The following GALNT13 variants were observed in gnomAD, a reference collection of about 807,000 sequenced individuals.
The protein encoded by GALNT13 is UDP-GalNAc:polypeptide N-acetylgalactosaminyltransferase 13.
In GALNT13, 28 loss-of-function variants were observed where a neutral mutation model predicts 64.2. That is an observed-to-expected ratio of 0.44 (90% confidence interval 0.32 to 0.60). The LOEUF is 0.60. Among genes scored for constraint, GALNT13 ranks in the 20% least tolerant of loss-of-function variants. The pLI is 0.05. For synonymous variants in GALNT13, 214 were observed against 224.6 expected (o/e 0.95, Z 0.42); for missense variants, 577 against 669.8 (o/e 0.86, Z 1.53).
the GALNT13 span, among the ~76,000 whole-genome samples, chr2:153,284,585 C>T: frequency 2.6e-5 from 4 of 152,242 alleles, no homozygotes; most frequent in African/African-American, 9.6e-5. Context: ...AAGTTAACTT[C>T]AGGACTTGGG....
chr2:153,827,420 G>A, the GALNT13 span, among the ~76,000 whole-genome samples: 3 of 152,060 alleles, frequency 2.0e-5, no homozygotes, highest in Non-Finnish European at 2.9e-5. Flanking sequence ...TCAGGAGATC[G>A]AGACCATCCT....
chr2:153,844,584 T>C, the GALNT13 span, among the ~76,000 whole-genome samples: 9 of 152,238 alleles, frequency 5.9e-5, no homozygotes, highest in Admixed American at 5.2e-4. Flanking sequence ...TCCTTTGTAG[T>C]TGTACAAATT....
At chr2:153,119,236 A>C in the GALNT13 span, among the ~76,000 whole-genome samples, 3 of 152,080 alleles carry the variant, frequency 2.0e-5, no homozygotes, top group Non-Finnish European at 1.5e-5. Context: ...CTAATACATA[A>C]GTGCACAGCT....
the GALNT13 span, among the ~76,000 whole-genome samples, chr2:153,671,389 C>T: frequency 1.3e-5 from 2 of 152,020 alleles, no homozygotes; most frequent in Non-Finnish European, 2.9e-5. Flanking sequence ...AGAGTGGGGG[C>T]CAATATTCAA....
intron 3 of GALNT13, among the ~76,000 whole-genome samples, chr2:154,057,358 A>G (rs975751935): frequency 3.3e-5 from 5 of 152,166 alleles, no homozygotes; most frequent in African/African-American, 1.2e-4. Context: ...ACAATTTTAG[A>G]TTGGCAATAT....
At chr2:153,552,413 G>T in the GALNT13 span, among the ~76,000 whole-genome samples, 2 of 152,080 alleles carry the variant, frequency 1.3e-5, no homozygotes, top group African/African-American at 2.4e-5. Flanking sequence ...CTTGAGCAGG[G>T]GAGGAGAGAT....
the GALNT13 span, among the ~76,000 whole-genome samples, chr2:153,131,790 T>G: frequency 6.6e-6 from 1 of 151,980 alleles, no homozygotes; most frequent in African/African-American, 2.4e-5. Context: ...TATGTAAGTT[T>G]TCAAGCATGT....
intron 1 of GALNT13, among the ~76,000 whole-genome samples, chr2:153,876,202 TACACACACACAC>T (rs56256669): frequency 0.25 from 36,757 of 148,686 alleles, 4,608 homozygotes; most frequent in Non-Finnish European, 0.28. Context: ...CCCCCCACAC[TACACACACACAC>T]ACACACACAC....
At chr2:153,326,113 A>C in the GALNT13 span, among the ~76,000 whole-genome samples, 955 of 152,176 alleles carry the variant, frequency 6.3e-3, 9 homozygotes, top group African/African-American at 0.022. Flanking sequence ...TGGGAGTCTA[A>C]GTCTCTTTGT....
At chr2:153,460,312 T>G in the GALNT13 span, among the ~76,000 whole-genome samples, 1 of 152,138 alleles carries the variant, frequency 6.6e-6, no homozygotes, top group Non-Finnish European at 1.5e-5. Flanking sequence ...GTAACAACAT[T>G]CAATTTGCTT....
the GALNT13 span, among the ~76,000 whole-genome samples, chr2:153,345,398 A>C: frequency 6.6e-6 from 1 of 152,136 alleles, no homozygotes; most frequent in African/African-American, 2.4e-5. Flanking sequence ...CTGCAGGAGA[A>C]TGTCTTGCCT....
the GALNT13 span, among the ~76,000 whole-genome samples, chr2:153,135,455 T>C: frequency 6.6e-6 from 1 of 152,138 alleles, no homozygotes; most frequent in Non-Finnish European, 1.5e-5. Flanking sequence ...AAGTGTTTTG[T>C]TGAGCTGAGT....
At chr2:153,274,292 A>G in the GALNT13 span, among the ~76,000 whole-genome samples, 1 of 152,200 alleles carries the variant, frequency 6.6e-6, no homozygotes, top group Non-Finnish European at 1.5e-5. Flanking sequence ...TCAGTCTGTA[A>G]GGAACCGTAC....
At chr2:153,437,481 C>G in the GALNT13 span, among the ~76,000 whole-genome samples, 22 of 152,014 alleles carry the variant, frequency 1.4e-4, no homozygotes, top group African/African-American at 4.8e-4. Context: ...GTAGGTCACT[C>G]AGGACTTGCT....
At chr2:153,869,310 G>A (rs1422495659), upstream of GALNT13, among the ~76,000 whole-genome samples, 1 of 152,116 alleles carries the variant, frequency 6.6e-6, no homozygotes, top group Non-Finnish European at 1.5e-5. Flanking sequence ...GATTGTCTCA[G>A]TAATGCTCTT....
chr2:153,901,319 G>T (rs1688221939), intron 2 of GALNT13, among the ~76,000 whole-genome samples: 1 of 151,966 alleles, frequency 6.6e-6, no homozygotes, highest in Non-Finnish European at 1.5e-5. Context: ...GCTCTTTTTG[G>T]TTTATGAATT....
At chr2:154,116,354 C>T (rs1289113353) in intron 3 of GALNT13, among the ~76,000 whole-genome samples, 2 of 152,170 alleles carry the variant, frequency 1.3e-5, no homozygotes, top group African/African-American at 2.4e-5. Flanking sequence ...GCACCTTTCA[C>T]TGCAGGTCAG....
At chr2:153,681,099 C>A in the GALNT13 span, among the ~76,000 whole-genome samples, 1 of 151,864 alleles carries the variant, frequency 6.6e-6, no homozygotes, top group African/African-American at 2.4e-5. Context: ...TGCAATAATT[C>A]CTCCATTAAG....
intron 3 of GALNT13, among the ~76,000 whole-genome samples, chr2:153,957,399 G>A (rs1558874145): frequency 6.6e-6 from 1 of 152,210 alleles, no homozygotes; most frequent in Non-Finnish European, 1.5e-5. Flanking sequence ...GAAGAAAAAT[G>A]TTCAGGCAGC....
Sources: allele counts gnomAD v4.1 joint callset (sites outside exome capture counted in the v4.1 genomes callset), GRCh38; gene constraint gnomAD v4.1.1; transcripts MANE v1.5; gene names NCBI Gene and HGNC (gene_info 2026-07-23, HGNC 2026-07-21).